Variants in NRXN1 observed in about 807,000 individuals in gnomAD.
The protein encoded by NRXN1 is neurexin 1.
In NRXN1, 39 loss-of-function variants were observed where a neutral mutation model predicts 150.9. The observed-to-expected ratio is 0.26, with a 90% CI of 0.20 to 0.34. The LOEUF (loss-of-function observed/expected upper bound fraction) is 0.34. NRXN1 is among the 10% of genes least tolerant of loss of function. The pLI is 1.00. For synonymous variants in NRXN1, 924 were observed against 757.0 expected (o/e 1.22, Z -3.62); for missense variants, 1,815 against 1,949.9 (o/e 0.93, Z 1.30).
intron 19 of NRXN1, among the ~76,000 whole-genome samples, chr2:50,089,448 C>T (rs903938936): frequency 3.3e-5 from 5 of 152,148 alleles, no homozygotes; most frequent in Non-Finnish European, 7.4e-5. Context: ...ATTACCAATA[C>T]ACCTTTCTGT....
At chr2:50,331,154 A>C (rs1376001204) in intron 17 of NRXN1, among the ~76,000 whole-genome samples, 2 of 152,196 alleles carry the variant, frequency 1.3e-5, no homozygotes, top group Admixed American at 6.5e-5. Context: ...AAATTGGAAA[A>C]GACATTATAA....
chr2:50,148,634 T>C (rs530729865), intron 18 of NRXN1, among the ~76,000 whole-genome samples: 25 of 151,878 alleles, frequency 1.6e-4, no homozygotes, highest in Admixed American at 2.6e-4. Context: ...TTTGGCATAT[T>C]CCTCTCTTTC....
intron 17 of NRXN1, among the ~76,000 whole-genome samples, chr2:50,264,307 A>T (rs902678560): frequency 6.6e-6 from 1 of 152,124 alleles, no homozygotes; most frequent in Non-Finnish European, 1.5e-5. Context: ...CAGAATAGAT[A>T]ACATTGTAGA....
intron 2 of NRXN1, among the ~76,000 whole-genome samples, chr2:50,950,087 T>C (rs1182756814): frequency 6.6e-6 from 1 of 152,192 alleles, no homozygotes; most frequent in African/African-American, 2.4e-5. Context: ...CCTGGCCTGA[T>C]GTTTAGAGCA....
At chr2:50,047,670 G>C (rs1277312465) in intron 21 of NRXN1, among the ~76,000 whole-genome samples, 1 of 151,100 alleles carries the variant, frequency 6.6e-6, no homozygotes, top group African/African-American at 2.4e-5. Context: ...CCATTTCATG[G>C]TTCCCTTCCA....
At chr2:50,054,512 T>C (rs553765963) in intron 20 of NRXN1, among the ~76,000 whole-genome samples, 1 of 152,322 alleles carries the variant, frequency 6.6e-6, no homozygotes, top group South Asian at 2.1e-4. Context: ...GCAATTCATA[T>C]TGCCCACTAT....
At chr2:50,908,804 G>C (rs1684105792) in intron 5 of NRXN1, among the ~76,000 whole-genome samples, 1 of 151,936 alleles carries the variant, frequency 6.6e-6, no homozygotes, top group Admixed American at 6.6e-5. Context: ...CCCTTCATGG[G>C]ACAGGTGGCT....
intron 2 of NRXN1, among the ~76,000 whole-genome samples, chr2:50,982,918 AGT>A (rs1395510304): frequency 1.7e-4 from 26 of 152,142 alleles, no homozygotes; most frequent in African/African-American, 6.3e-4. Flanking sequence ...GCTGCCTGAG[AGT>A]CATGAACCAC....
At chr2:50,006,607 T>A (rs1418746883) in intron 21 of NRXN1, among the ~76,000 whole-genome samples, 1 of 152,180 alleles carries the variant, frequency 6.6e-6, no homozygotes, top group Non-Finnish European at 1.5e-5. Flanking sequence ...GGTTACTCTT[T>A]TCCTCAACAT....
Position 50,656,289 on chromosome 2 carries a change from G to C in NRXN1, c.833-32674C>G, listed in dbSNP as rs936262236. 13 of 709,152 alleles carry C rather than the reference G, an allele frequency of 1.8e-5. No individual in the cohort carries two copies. In the African/African-American group the frequency reaches 2.1e-4, roughly 12 times the overall value. The allele number at this position is 709,152 out of a possible 1,614,324, so 43.9% of individuals were successfully genotyped here. ...AAACCCACCCATGAGAAATTAAATA[G>C]GCTTTTAAAGTTACGTATCAATTTT... is the stretch of plus-strand genomic sequence containing the variant. On this transcript the variant is annotated intron_variant, in intron 5 of 22. Transcript: ENST00000401669.
At chr2:50,551,105 G>GAA (rs1667457851) in intron 9 of NRXN1, among the ~76,000 whole-genome samples, 1 of 110,360 alleles carries the variant, frequency 9.1e-6, no homozygotes, top group African/African-American at 4.0e-5. Context: ...GGAGGAGGAG[G>GAA]GAGGGGGAGG....
At chr2:50,307,737 T>A (rs545610192) in intron 17 of NRXN1, among the ~76,000 whole-genome samples, 44 of 152,324 alleles carry the variant, frequency 2.9e-4, no homozygotes, top group African/African-American at 1.0e-3. Context: ...AATGACTTTA[T>A]TTAAACCATG....
chr2:50,121,283 AGTGCT>A (rs1244790610), intron 18 of NRXN1, among the ~76,000 whole-genome samples: 1 of 152,192 alleles, frequency 6.6e-6, no homozygotes, highest in East Asian at 1.9e-4. Flanking sequence ...AGCCTCCCAA[AGTGCT>A]GGGATTATAG....
intron 18 of NRXN1, among the ~76,000 whole-genome samples, chr2:50,214,137 T>G (rs2063223188): frequency 6.6e-6 from 1 of 152,004 alleles, no homozygotes; most frequent in African/African-American, 2.4e-5. Flanking sequence ...TAGTCATAAC[T>G]TTGATTTTCA....
intron 2 of NRXN1, among the ~76,000 whole-genome samples, chr2:50,983,748 C>T (rs1697215909): frequency 6.6e-6 from 1 of 151,890 alleles, no homozygotes; most frequent in Non-Finnish European, 1.5e-5. Context: ...GCATTATGTC[C>T]CCTAATCTGC....
intron 5 of NRXN1, among the ~76,000 whole-genome samples, chr2:50,733,257 T>A (rs912575888): frequency 3.9e-5 from 6 of 152,158 alleles, no homozygotes; most frequent in African/African-American, 1.4e-4. Context: ...ATAGAAAAAT[T>A]AAATTTAATT....
chr2:50,291,133 T>C (rs1418676779), intron 17 of NRXN1, among the ~76,000 whole-genome samples: 7 of 83,294 alleles, frequency 8.4e-5, no homozygotes, highest in Non-Finnish European at 1.2e-4. Flanking sequence ...ACCACAGAAG[T>C]TGAAAAAAAA....
chr2:51,016,003 T>G (rs905116000), intron 2 of NRXN1, among the ~76,000 whole-genome samples: 2 of 152,048 alleles, frequency 1.3e-5, no homozygotes, highest in African/African-American at 4.8e-5. Context: ...CAAAACAGCA[T>G]GGTACTGGTA....
At chr2:50,180,100 T>C (rs544471185) in intron 18 of NRXN1, among the ~76,000 whole-genome samples, 1 of 152,088 alleles carries the variant, frequency 6.6e-6, no homozygotes. Context: ...GACCTCACTG[T>C]AGCCTTGAAC....
Sources: allele counts gnomAD v4.1 joint callset (sites outside exome capture counted in the v4.1 genomes callset), GRCh38; gene constraint gnomAD v4.1.1; transcripts MANE v1.5; gene names NCBI Gene and HGNC (gene_info 2026-07-23, HGNC 2026-07-21).